The following SCFD2 variants were observed in gnomAD, a reference collection of about 807,000 sequenced individuals.
SCFD2 encodes the protein sec1 family domain containing 2.
In SCFD2, 54 loss-of-function variants were observed where a neutral mutation model predicts 58.9. The ratio of observed to expected loss-of-function variants is 0.92; its 90% confidence interval spans 0.74 to 1.15. SCFD2 has a LOEUF of 1.15. Among genes scored for constraint, SCFD2 ranks in the 50% most tolerant of loss-of-function variants. The probability of loss-of-function intolerance (pLI) is 0.00; values close to 1 mark genes in which losing one functional copy is unlikely to be tolerated. For synonymous variants in SCFD2, 321 were observed against 335.9 expected (o/e 0.96, Z 0.49); for missense variants, 805 against 836.6 (o/e 0.96, Z 0.47).
At chr4:53,123,631 C>T (rs757217741) in intron 5 of SCFD2, among the ~76,000 whole-genome samples, 9 of 152,100 alleles carry the variant, frequency 5.9e-5, no homozygotes, top group Non-Finnish European at 1.2e-4. Context: ...AAACCCAAAA[C>T]CTCAACTGAT....
intron 4 of SCFD2, among the ~76,000 whole-genome samples, chr4:53,212,574 A>AAGTG (rs1560387939): frequency 1.1e-4 from 8 of 75,786 alleles, no homozygotes; most frequent in African/African-American, 3.3e-4. Flanking sequence ...GAAAGTGAGC[A>AAGTG]CGTGTGTGTG....
At chr4:52,917,424 TCTCA>T (rs1419151919) in intron 6 of SCFD2, among the ~76,000 whole-genome samples, 6 of 152,116 alleles carry the variant, frequency 3.9e-5, no homozygotes, top group Non-Finnish European at 1.5e-5. Flanking sequence ...CTAAGTTCTC[TCTCA>T]CTAAGAATTA....
intron 5 of SCFD2, among the ~76,000 whole-genome samples, chr4:53,056,849 G>A (rs557577100): frequency 2.0e-5 from 3 of 152,128 alleles, no homozygotes; most frequent in African/African-American, 7.2e-5. Context: ...GTAATAATGA[G>A]GAAGGAGATA....
Position 53,194,806 on chromosome 4 carries a change from T to G in SCFD2, c.1312-49224A>C, listed in dbSNP as rs368747884. Among the ~76,000 whole-genome samples the G allele has an allele frequency of 7.9e-5, 12 of 152,294 alleles. No homozygotes were observed. The South Asian group carries it at 1.5e-3, about 18-fold the overall frequency. Reference sequence around the variant, plus strand: ...GGCACAAATCACCCTATATCCCTTCTGTCTCCAACCCAGTACACACGAGCG... The same window carrying G: ...GGCACAAATCACCCTATATCCCTTCGGTCTCCAACCCAGTACACACGAGCG... On this transcript the variant is annotated intron_variant, in intron 4 of 8. Transcript: ENST00000401642.
chr4:52,946,698 T>A (rs900200972), intron 5 of SCFD2, among the ~76,000 whole-genome samples: 1 of 152,208 alleles, frequency 6.6e-6, no homozygotes, highest in Non-Finnish European at 1.5e-5. Context: ...TCTTAAGAGT[T>A]AAAAGAAATA....
intron 5 of SCFD2, among the ~76,000 whole-genome samples, chr4:53,014,829 T>G (rs530282505): frequency 6.6e-6 from 1 of 152,214 alleles, no homozygotes; most frequent in African/African-American, 2.4e-5. Flanking sequence ...AAAAAAACAG[T>G]GTCCTACATA....
chr4:52,897,887 A>G (rs994442960), intron 7 of SCFD2, among the ~76,000 whole-genome samples: 3 of 151,904 alleles, frequency 2.0e-5, no homozygotes, highest in African/African-American at 4.8e-5. Context: ...GTCTTGGGAG[A>G]GTGTATGTGT....
chr4:52,940,346 G>T (rs1372187028), intron 5 of SCFD2, among the ~76,000 whole-genome samples: 2 of 152,146 alleles, frequency 1.3e-5, no homozygotes, highest in Non-Finnish European at 2.9e-5. Flanking sequence ...TTCACAGGGA[G>T]ATCCCTCCCA....
intron 7 of SCFD2, among the ~76,000 whole-genome samples, chr4:52,901,632 C>A (rs1416770202): frequency 6.6e-6 from 1 of 152,092 alleles, no homozygotes; most frequent in Admixed American, 6.5e-5. Context: ...TGAGCTCTAA[C>A]CAGAGTGCAG....
chr4:53,228,116 G>T lies in SCFD2; in HGVS notation c.1311+45710C>A, dbSNP rs571413897. On this transcript the variant is annotated intron_variant, in intron 4 of 8. Transcript: ENST00000401642. ...ACAAGGATAGTTCCTAGAACTGTAA[G>T]GTTTGAATAAGACAATGCATATGAA... 2.0e-5 allele frequency among the ~76,000 whole-genome samples: 3 copies of T among 152,200 alleles called. No individual in the cohort carries two copies. The South Asian group carries it at 6.2e-4, about 32-fold the overall frequency.
chr4:53,292,464 C>T (rs1380056007), intron 3 of SCFD2, among the ~76,000 whole-genome samples: 1 of 152,122 alleles, frequency 6.6e-6, no homozygotes, highest in South Asian at 2.1e-4. Context: ...CTCATCATCA[C>T]TGATTATTAG....
At chr4:52,908,782 C>T (rs1354088700) in intron 6 of SCFD2, among the ~76,000 whole-genome samples, 1 of 152,144 alleles carries the variant, frequency 6.6e-6, no homozygotes, top group Non-Finnish European at 1.5e-5. Context: ...ATATAGTTGG[C>T]ATCTTTCCCA....
At chr4:53,330,063 C>G (rs890842698) in intron 2 of SCFD2, among the ~76,000 whole-genome samples, 6 of 151,388 alleles carry the variant, frequency 4.0e-5, no homozygotes, top group Non-Finnish European at 8.9e-5. Flanking sequence ...TAAAAAGAAA[C>G]AAACAAAGCC....
At chr4:53,117,109 G>A (rs1049415771) in intron 5 of SCFD2, among the ~76,000 whole-genome samples, 2 of 152,162 alleles carry the variant, frequency 1.3e-5, no homozygotes, top group African/African-American at 4.8e-5. Context: ...TCTGTGTACT[G>A]GAACTGAAAC....
At chr4:53,314,326 G>A (rs1732791230) in intron 2 of SCFD2, among the ~76,000 whole-genome samples, 1 of 152,186 alleles carries the variant, frequency 6.6e-6, no homozygotes, top group African/African-American at 2.4e-5. Context: ...TTGGGCCTTA[G>A]GTTGGAAGGA....
chr4:53,335,617 T>C (rs114541416), intron 2 of SCFD2, among the ~76,000 whole-genome samples: 2,450 of 152,316 alleles, frequency 0.016, 39 homozygotes, highest in Middle Eastern at 0.037. Context: ...TTGGGAGTGA[T>C]GGGCATCATG....
At chr4:53,302,551 A>G (rs993830632) in intron 3 of SCFD2, among the ~76,000 whole-genome samples, 1 of 152,212 alleles carries the variant, frequency 6.6e-6, no homozygotes, top group Non-Finnish European at 1.5e-5. Context: ...ATTCAATGCC[A>G]TCCCCATCAA....
intron 4 of SCFD2, among the ~76,000 whole-genome samples, chr4:53,172,599 C>A (rs1486552239): frequency 6.6e-6 from 1 of 152,044 alleles, no homozygotes; most frequent in Admixed American, 6.5e-5. Flanking sequence ...TTCTTTGACC[C>A]ATTGGTTGGT....
intron 1 of SCFD2, among the ~76,000 whole-genome samples, chr4:53,358,817 C>A (rs4864459): frequency 6.6e-6 from 1 of 152,206 alleles, no homozygotes; most frequent in Non-Finnish European, 1.5e-5. Context: ...AGAATGCTGA[C>A]TTAAATCCTC....
Sources: gnomAD v4.1 joint callset for allele counts (sites outside exome capture counted in the v4.1 genomes callset) on GRCh38, gnomAD v4.1.1 for gene constraint, MANE v1.5 for transcripts, NCBI Gene and HGNC (gene_info 2026-07-23, HGNC 2026-07-21) for gene names.